The following SLC22A23 variants were observed in gnomAD, a reference collection of about 807,000 sequenced individuals.
The protein encoded by SLC22A23 is ion transporter protein.
In SLC22A23, 26 loss-of-function variants were observed where a neutral mutation model predicts 61.0. The ratio of observed to expected loss-of-function variants is 0.43; its 90% CI spans 0.31 to 0.59. SLC22A23 has a LOEUF of 0.59. Among genes scored for constraint, SLC22A23 ranks in the 20% least tolerant of loss-of-function variants. SLC22A23 has a pLI of 0.11. For synonymous variants in SLC22A23, 430 were observed against 413.9 expected (o/e 1.04, Z -0.47); for missense variants, 796 against 934.7 (o/e 0.85, Z 1.94).
Position 3,360,329 on chromosome 6 carries a change from T to C in SLC22A23, c.914-36327A>G, listed in dbSNP as rs1485130193. 2.0e-5 allele frequency among the ~76,000 whole-genome samples: 3 copies of C among 152,312 alleles called. No individual in the cohort carries two copies. In the East Asian group the frequency reaches 5.8e-4, roughly 29 times the overall value. On this transcript the variant is annotated intron_variant, in intron 3 of 9. Transcript: ENST00000406686. This position sits in a 1 kb window ranked among gnomAD's most constrained non-coding sequence, Gnocchi z 4.6. ...ATAAAACAACAACAAAAAAGGCAAG[T>C]CCGTAGTATTGGCCTTTGAGAGCTC... is the stretch of plus-strand genomic sequence containing the variant.
intron 1 of SLC22A23, among the ~76,000 whole-genome samples, chr6:3,418,097 G>C (rs1175081355): frequency 6.6e-6 from 1 of 152,192 alleles, no homozygotes; most frequent in African/African-American, 2.4e-5. Context: ...TCTGGGAGAG[G>C]AGGTGCTCTC....
At chr6:3,380,606 A>G (rs1240623866) in intron 3 of SLC22A23, among the ~76,000 whole-genome samples, 3 of 152,126 alleles carry the variant, frequency 2.0e-5, no homozygotes, top group African/African-American at 7.2e-5. Flanking sequence ...AGTCAACACT[A>G]ACATCCTTTC....
In SLC22A23 at chr6:3,324,477, T is replaced by G. The variant is rs1043308125; in HGVS notation, c.914-475A>C. 1.3e-5 allele frequency among the ~76,000 whole-genome samples: 2 copies of G among 152,150 alleles called. No individual in the cohort carries two copies. The highest frequency in any genetic ancestry group is 2.9e-5 in the Non-Finnish European group (2 of 68,026). On this transcript the variant is annotated intron_variant, in intron 3 of 9. Coordinates refer to ENST00000406686, the MANE Select transcript of SLC22A23 (RefSeq NM_015482.2). The surrounding 1 kb of genome is among the most constrained non-coding windows in gnomAD (Gnocchi z 4.3). ...GCCCATATACTCACTCCTACCCATA[T>G]GCACCACCCACCCCTTCTTCTGGTT...
chr6:3,415,834 C>T lies in SLC22A23; in HGVS notation c.676G>A (p.Ala226Thr). The T allele has an allele frequency of 6.4e-7, 1 of 1,551,968 alleles. No homozygotes were observed. The highest frequency in any genetic ancestry group is 8.7e-7 in the Non-Finnish European group (1 of 1,146,832). ...AACTTAGCGATATGGACCTTCCAGG[C>T]ATTATCACACACAAGATCCCACTAG... Reference protein sequence around the residue: ...VSKWDLVCDNAWKVHIAKFSL... With the variant: ...VSKWDLVCDNTWKVHIAKFSL... The change falls in exon 2 of 10, where the codon GCC becomes ACC. Residue 226 changes from alanine to threonine, a missense_variant. By Grantham distance (58) the Ala-to-Thr change is moderately conservative. Transcript: ENST00000406686.
intron 1 of SLC22A23, among the ~76,000 whole-genome samples, chr6:3,429,369 G>A (rs1227763161): frequency 6.6e-6 from 1 of 152,162 alleles, no homozygotes; most frequent in African/African-American, 2.4e-5. Context: ...ATCTGCAAAA[G>A]GTCAACCACA....
At chr6:3,278,162 T>G (rs1327404483) in intron 9 of SLC22A23, among the ~76,000 whole-genome samples, 1 of 152,232 alleles carries the variant, frequency 6.6e-6, no homozygotes, top group African/African-American at 2.4e-5. Flanking sequence ...GGCCCCTGTT[T>G]TGGAGCGATT....
intron 3 of SLC22A23, among the ~76,000 whole-genome samples, chr6:3,346,902 G>C (rs1764471753): frequency 6.6e-6 from 1 of 152,122 alleles, no homozygotes; most frequent in African/African-American, 2.4e-5. Flanking sequence ...GCATCTAAAG[G>C]ACAACATACA....
chr6:3,366,730 AG>A (rs1181677403), intron 3 of SLC22A23, among the ~76,000 whole-genome samples: 1 of 152,214 alleles, frequency 6.6e-6, no homozygotes, highest in Non-Finnish European at 1.5e-5. Flanking sequence ...TCAGCCTCAG[AG>A]AGCGACTTAA....
chr6:3,397,957 TG>T (rs1166973368), intron 3 of SLC22A23, among the ~76,000 whole-genome samples: 1 of 152,248 alleles, frequency 6.6e-6, no homozygotes. Context: ...TGGGGGGCCC[TG>T]GGGCCTCCCA....
chr6:3,379,599 G>T (rs2127472940), intron 3 of SLC22A23, among the ~76,000 whole-genome samples: 1 of 152,190 alleles, frequency 6.6e-6, no homozygotes, highest in South Asian at 2.1e-4. Flanking sequence ...AAAGAGAAAG[G>T]CAAACAAACA....
chr6:3,436,056 C>A (rs115546086), intron 1 of SLC22A23, among the ~76,000 whole-genome samples: 118 of 152,258 alleles, frequency 7.7e-4, no homozygotes, highest in African/African-American at 2.6e-3. Context: ...GCTAATACAG[C>A]GTGAGAATGA....
rs1037282699 is a variant in SLC22A23 at position 3,328,293 on chromosome 6, G to A, written c.914-4291C>T. Among the ~76,000 whole-genome samples, 19 of 152,072 alleles carry A rather than the reference G, an allele frequency of 1.2e-4. No individual in the cohort carries two copies. The highest frequency in any genetic ancestry group is 3.4e-4 in the African/African-American group (14 of 41,386). ...ATGACTAAGTCTGAGCACAGAGGCC[G>A]CCCGGAGGCTTTGATAGAAAAGTGG... On this transcript the variant is annotated intron_variant, in intron 3 of 9. Transcript: ENST00000406686. The surrounding 1 kb of genome is among the most constrained non-coding windows in gnomAD (Gnocchi z 5.0).
At chr6:3,396,852 C>T (rs1324703077) in intron 3 of SLC22A23, among the ~76,000 whole-genome samples, 1 of 152,240 alleles carries the variant, frequency 6.6e-6, no homozygotes, top group Non-Finnish European at 1.5e-5. Flanking sequence ...TAAAACCTTG[C>T]ACTCATTCTC....
chr6:3,396,603 A>AGG (rs1768020945), intron 3 of SLC22A23, among the ~76,000 whole-genome samples: 1 of 152,174 alleles, frequency 6.6e-6, no homozygotes, highest in Middle Eastern at 3.2e-3. Context: ...GGAGGCACAC[A>AGG]GGCAGCTGGA....
intron 3 of SLC22A23, among the ~76,000 whole-genome samples, chr6:3,406,808 C>T (rs1768872162): frequency 6.6e-6 from 1 of 151,714 alleles, no homozygotes; most frequent in African/African-American, 2.4e-5. Flanking sequence ...TTGAGGGAAA[C>T]AAACATGTAA....
chr6:3,368,027 A>G (rs1765949080), intron 3 of SLC22A23, among the ~76,000 whole-genome samples: 1 of 152,190 alleles, frequency 6.6e-6, no homozygotes, highest in Non-Finnish European at 1.5e-5. Flanking sequence ...GGACTTGAGC[A>G]AGGTCAAGGT....
At chr6:3,403,534 T>G (rs1306123025) in intron 3 of SLC22A23, among the ~76,000 whole-genome samples, 1 of 152,148 alleles carries the variant, frequency 6.6e-6, no homozygotes, top group Non-Finnish European at 1.5e-5. Context: ...TCTTACCCTA[T>G]CACAGCATCT....
chr6:3,298,170 C>A lies in SLC22A23; in HGVS notation c.1131G>T (p.Glu377Asp). The A allele has an allele frequency of 6.3e-7, 1 of 1,591,790 alleles. No individual in the cohort carries two copies. ...LRWLMATQQF[E>D]SAKRLILHFT... ...AGTGGAGGATCAGCCTCTTTGCAGA[C>A]TCAAACTGCTGGGTGGCCATTAGCC... The change falls in exon 5 of 10, where the codon GAG becomes GAT. Residue 377 changes from glutamate to aspartate, a missense_variant. Transcript: ENST00000406686.
chr6:3,442,465 G>A lies in SLC22A23; in HGVS notation c.654+13441C>T, dbSNP rs114556057. 6.5e-3 allele frequency among the ~76,000 whole-genome samples: 996 copies of A among 152,326 alleles called. 9 individuals are homozygous for A. Among genetic ancestry groups the A allele is most frequent in the African/African-American group, 0.023 (957 of 41,582 alleles). On this transcript the variant is annotated intron_variant, in intron 1 of 9. Transcript: ENST00000406686. ...CAAATAAAGACAAGTTTTAAAAAGA[G>A]TAGGACAAAGACTATCCGCTTACTG...
Sources: allele counts gnomAD v4.1 joint callset (sites outside exome capture counted in the v4.1 genomes callset), GRCh38; gene constraint gnomAD v4.1.1; non-coding constraint Gnocchi (gnomAD v3.1); transcripts MANE v1.5; gene names NCBI Gene and HGNC (gene_info 2026-07-23, HGNC 2026-07-21).